Variants in ABLIM3 observed in about 807,000 individuals in gnomAD.
ABLIM3 encodes the protein actin-binding LIM protein 3.
Under a neutral mutation model 109.5 loss-of-function variants are expected in ABLIM3, and 61 were observed. That is an observed-to-expected ratio of 0.56 (90% CI 0.45 to 0.69). ABLIM3 has a LOEUF of 0.69. ABLIM3 is among the 30% of genes least tolerant of loss of function. ABLIM3 has a pLI of 0.00. For synonymous variants in ABLIM3, 300 were observed against 324.8 expected (o/e 0.92, Z 0.82); for missense variants, 796 against 889.5 (o/e 0.89, Z 1.34).
intron 17 of ABLIM3, among the ~76,000 whole-genome samples, 172 bp downstream of exon 17, chr5:149,246,718 G>C (rs1262994544): frequency 6.6e-6 from 1 of 152,216 alleles, no homozygotes; most frequent in Non-Finnish European, 1.5e-5. Context: ...AGTATGACTA[G>C]ATCCAACTGC....
chr5:149,219,284 C>A (rs1760404311), intron 8 of ABLIM3: 1 of 152,238 alleles, frequency 6.6e-6, no homozygotes, highest in African/African-American at 2.4e-5. Flanking sequence ...GGGTCAAAAT[C>A]ATCCTCAGTG....
At chr5:149,147,113 ATGTGTGTGTGTGTG>A (rs35743789) in intron 2 of ABLIM3, among the ~76,000 whole-genome samples, 1 of 138,998 alleles carries the variant, frequency 7.2e-6, no homozygotes, top group Non-Finnish European at 1.6e-5. Flanking sequence ...CTCTCTGTGT[ATGTGTGTGTGTGTG>A]TGTGTGTGTG....
intron 5 of ABLIM3, among the ~76,000 whole-genome samples, chr5:149,202,114 G>A (rs952115395): frequency 2.6e-5 from 4 of 152,156 alleles, no homozygotes; most frequent in African/African-American, 7.2e-5. Flanking sequence ...CTCCTGGGTC[G>A]GTTGTTATTT....
At chr5:149,157,344 C>G (rs181108988) in intron 2 of ABLIM3, among the ~76,000 whole-genome samples, 4 of 152,154 alleles carry the variant, frequency 2.6e-5, no homozygotes, top group Non-Finnish European at 5.9e-5. Context: ...AAATCCTCCC[C>G]CTTTGCTCCC....
intron 2 of ABLIM3, among the ~76,000 whole-genome samples, chr5:149,168,759 A>G (rs944718939): frequency 6.6e-6 from 1 of 152,232 alleles, no homozygotes; most frequent in African/African-American, 2.4e-5. Flanking sequence ...TGATATGGTG[A>G]CAGCGCTTTT....
At position 149,183,485 on chromosome 5, in the gene ABLIM3, G is replaced by A; in HGVS notation, c.47G>A (p.Gly16Asp). 1 of 1,586,236 alleles carries A rather than the reference G, an allele frequency of 6.3e-7. No individual in the cohort carries two copies. Among genetic ancestry groups the A allele is most frequent in the Non-Finnish European group, 8.6e-7 (1 of 1,166,924 alleles). The stretch of plus-strand genomic sequence containing the variant: ...CAGCAGAATCCTTACAATCCACGGG[G>A]CAGCTCCAATGTCATCCAGTGCTAC... ...PYQQNPYNPR[G>D]SSNVIQCYRC... The change falls in exon 3 of 24, where the codon GGC (glycine) becomes GAC (aspartate). Residue 16 changes from glycine (G) to aspartate (D), a missense_variant. Transcript: ENST00000309868.
intron 6 of ABLIM3, among the ~76,000 whole-genome samples, chr5:149,207,513 A>G (rs1759120984): frequency 6.6e-6 from 1 of 152,212 alleles, no homozygotes; most frequent in South Asian, 2.1e-4. Flanking sequence ...TAACTTTGTA[A>G]TAATGCTAAT....
chr5:149,197,098 T>C (rs1245992961), intron 3 of ABLIM3, among the ~76,000 whole-genome samples: 1 of 152,196 alleles, frequency 6.6e-6, no homozygotes, highest in East Asian at 1.9e-4. Context: ...ATGTTTGAGA[T>C]ATTTTTCTAA....
chr5:149,212,520 G>A (rs180903588), intron 7 of ABLIM3, among the ~76,000 whole-genome samples: 6 of 152,264 alleles, frequency 3.9e-5, no homozygotes, highest in Admixed American at 2.6e-4. Flanking sequence ...AGGCCCCTGC[G>A]TGACCCAGGC....
At chr5:149,241,738 G>A (rs1261636551) in intron 14 of ABLIM3, among the ~76,000 whole-genome samples, 1 of 152,168 alleles carries the variant, frequency 6.6e-6, no homozygotes, top group African/African-American at 2.4e-5. Context: ...CAGCCTGGGT[G>A]ACAAAGTGAG....
At chr5:149,232,207 G>A (rs1761934680) in intron 9 of ABLIM3, among the ~76,000 whole-genome samples, 1 of 152,216 alleles carries the variant, frequency 6.6e-6, no homozygotes, top group Admixed American at 6.5e-5. Flanking sequence ...TTGGGAGGCT[G>A]AAGCAGGAGA....
At chr5:149,157,135 C>T (rs1753925918) in intron 2 of ABLIM3, among the ~76,000 whole-genome samples, 1 of 152,186 alleles carries the variant, frequency 6.6e-6, no homozygotes, top group South Asian at 2.1e-4. Flanking sequence ...TCATAGTCAG[C>T]ACACCTCATT....
chr5:149,172,659 C>T (rs1755555334), intron 2 of ABLIM3, among the ~76,000 whole-genome samples: 2 of 152,188 alleles, frequency 1.3e-5, no homozygotes, highest in Non-Finnish European at 2.9e-5. Flanking sequence ...ACAGATAGGC[C>T]TCCTTGGAAC....
At chr5:149,222,840 G>A (rs1237790726) in intron 8 of ABLIM3, among the ~76,000 whole-genome samples, 1 of 151,858 alleles carries the variant, frequency 6.6e-6, no homozygotes, top group Admixed American at 6.6e-5. Flanking sequence ...CATCATCTAC[G>A]CATTTCATGA....
At chr5:149,231,700 C>G (rs1367497042) in intron 9 of ABLIM3, among the ~76,000 whole-genome samples, 1 of 152,160 alleles carries the variant, frequency 6.6e-6, no homozygotes, top group East Asian at 1.9e-4. Flanking sequence ...CTAATTGTCC[C>G]TTTCTTCATT....
chr5:149,207,734 C>A (rs1411456880), intron 6 of ABLIM3, among the ~76,000 whole-genome samples: 2 of 152,050 alleles, frequency 1.3e-5, no homozygotes, highest in African/African-American at 4.8e-5. Flanking sequence ...CTGCTATATC[C>A]CCTGCCCTGA....
At chr5:149,176,603 G>C (rs1428990245) in intron 2 of ABLIM3, among the ~76,000 whole-genome samples, 1 of 152,042 alleles carries the variant, frequency 6.6e-6, no homozygotes, top group East Asian at 1.9e-4. Flanking sequence ...TGTAAAATGA[G>C]GATAATAGTA....
chr5:149,201,828 G>A (rs1347948913), intron 5 of ABLIM3, among the ~76,000 whole-genome samples: 1 of 152,142 alleles, frequency 6.6e-6, no homozygotes, highest in Non-Finnish European at 1.5e-5. Flanking sequence ...TGTGAGGCAG[G>A]AGAGGGAGAA....
chr5:149,155,476 A>G (rs1033674110), intron 2 of ABLIM3, among the ~76,000 whole-genome samples: 4 of 152,140 alleles, frequency 2.6e-5, no homozygotes, highest in Admixed American at 6.5e-5. Context: ...GCGGGTGCTG[A>G]GAGGGAAGGA....
Sources: gnomAD v4.1 joint callset for allele counts (sites outside exome capture counted in the v4.1 genomes callset) on GRCh38, gnomAD v4.1.1 for gene constraint, MANE v1.5 for transcripts, NCBI Gene and HGNC (gene_info 2026-07-23, HGNC 2026-07-21) for gene names.